The following PAPPA variants were observed in gnomAD, a reference collection of about 807,000 sequenced individuals.
PAPPA encodes the protein pappalysin 1.
A neutral mutation model predicts 164.0 loss-of-function variants in PAPPA; 60 were observed. That is an observed-to-expected ratio of 0.37 (90% confidence interval 0.30 to 0.45). The LOEUF is 0.45. Ranked by LOEUF, PAPPA falls within the 20% of genes least tolerant of loss-of-function variation. The probability of loss-of-function intolerance (pLI) is 1.00; values close to 1 mark genes in which losing one functional copy is unlikely to be tolerated. For synonymous variants in PAPPA, 875 were observed against 814.1 expected, an observed-to-expected ratio of 1.07 and a Z score of -1.27; for missense variants, 1,782 against 2,087.3, an observed-to-expected ratio of 0.85 and a Z score of 2.85.
At chr9:116,285,504 G>A (rs754737094) in intron 9 of PAPPA, among the ~76,000 whole-genome samples, 16 of 152,072 alleles carry the variant, frequency 1.1e-4, no homozygotes, top group Non-Finnish European at 2.2e-4. Flanking sequence ...TTTGCTCACA[G>A]TGTCCCCCTG....
At chr9:116,281,327 A>G (rs1845264178) in intron 9 of PAPPA, among the ~76,000 whole-genome samples, 1 of 152,098 alleles carries the variant, frequency 6.6e-6, no homozygotes, top group Non-Finnish European at 1.5e-5. Context: ...GAGTTAGACA[A>G]TCATTTCATC....
intron 19 of PAPPA, among the ~76,000 whole-genome samples, chr9:116,372,506 T>C (rs1846588525): frequency 6.6e-6 from 1 of 152,224 alleles, no homozygotes; most frequent in South Asian, 2.1e-4. Context: ...TTGGATGAGA[T>C]AGACTATTCC....
At chr9:116,170,481 A>G (rs962896875) in intron 1 of PAPPA, among the ~76,000 whole-genome samples, 8 of 152,162 alleles carry the variant, frequency 5.3e-5, no homozygotes, top group Admixed American at 1.3e-4. Flanking sequence ...GGTCCTGCCC[A>G]TAAGTATTCA....
intron 3 of PAPPA, among the ~76,000 whole-genome samples, 185 bp from the exon 4 acceptor site, chr9:116,211,454 T>C (rs1054734928): frequency 2.6e-5 from 4 of 152,206 alleles, no homozygotes; most frequent in African/African-American, 9.6e-5. Context: ...TTGAGATTCC[T>C]TCCTGCTCTG....
At chr9:116,327,905 C>A (rs1460684716) in intron 10 of PAPPA, among the ~76,000 whole-genome samples, 4 of 152,186 alleles carry the variant, frequency 2.6e-5, no homozygotes, top group Non-Finnish European at 5.9e-5. Flanking sequence ...TGGATTTGTT[C>A]ATTCTTCTCT....
chr9:116,258,443 G>A (rs1477360573), intron 7 of PAPPA, among the ~76,000 whole-genome samples: 1 of 151,958 alleles, frequency 6.6e-6, no homozygotes, highest in Non-Finnish European at 1.5e-5. Context: ...GATCGCCTGA[G>A]GTTGGGAGTT....
At chr9:116,302,484 T>A (rs1363667327) in intron 9 of PAPPA, among the ~76,000 whole-genome samples, 4 of 152,154 alleles carry the variant, frequency 2.6e-5, no homozygotes, top group African/African-American at 9.7e-5. Flanking sequence ...GCAGTATTTG[T>A]CTTTCTGTGA....
intron 2 of PAPPA, 146 bp from the exon 3 acceptor site, chr9:116,207,310 T>C: frequency 3.4e-6 from 2 of 591,706 alleles, no homozygotes. Flanking sequence ...ATCTTACTTA[T>C]AATATTATTG....
At chr9:116,207,396 G>A in intron 2 of PAPPA, 60 bp from the exon 3 acceptor site, 2 of 775,016 alleles carry the variant, frequency 2.6e-6, no homozygotes, top group Non-Finnish European at 3.5e-6. Flanking sequence ...AAATTATTTG[G>A]AGAGGGCCTG....
At chr9:116,166,816 C>T (rs1251594092) in intron 1 of PAPPA, among the ~76,000 whole-genome samples, 1 of 152,108 alleles carries the variant, frequency 6.6e-6, no homozygotes, top group African/African-American at 2.4e-5. Flanking sequence ...ATCCTCAAGG[C>T]CTGACACATT....
At chr9:116,370,485 G>A (rs1846558667) in intron 19 of PAPPA, among the ~76,000 whole-genome samples, 1 of 152,002 alleles carries the variant, frequency 6.6e-6, no homozygotes, top group East Asian at 1.9e-4. Context: ...GCTTACCAGG[G>A]ATGTGCTGGC....
chr9:116,186,458 G>A lies in PAPPA; in HGVS notation c.416-696G>A, dbSNP rs545702543. Among the ~76,000 whole-genome samples the A allele has an allele frequency of 6.6e-5, 10 of 152,208 alleles. No individual in the cohort carries two copies. In the South Asian group the frequency reaches 1.9e-3, roughly 28 times the overall value. ...GTGATGATCTTTGAAAACCTGTCTA[G>A]TTTAGCTCTGAAGTGTGTTTTCTTT... On this transcript the variant is annotated intron_variant, in intron 1 of 21. Coordinates refer to ENST00000328252, the MANE Select transcript of PAPPA (RefSeq NM_002581.5).
chr9:116,195,942 T>C (rs1359027648), intron 2 of PAPPA, among the ~76,000 whole-genome samples: 2 of 152,182 alleles, frequency 1.3e-5, no homozygotes, highest in Admixed American at 1.3e-4. Flanking sequence ...ATATATTGAT[T>C]ATCCCAAGAG....
intron 10 of PAPPA, among the ~76,000 whole-genome samples, chr9:116,327,556 T>C (rs956395675): frequency 6.9e-6 from 1 of 144,600 alleles, no homozygotes; most frequent in South Asian, 2.4e-4. Context: ...TCAGCAATGC[T>C]TTATGGAGTT....
chr9:116,350,973 T>C (rs1846274334), intron 15 of PAPPA, among the ~76,000 whole-genome samples: 1 of 152,206 alleles, frequency 6.6e-6, no homozygotes, highest in Admixed American at 6.5e-5. Flanking sequence ...AGATGAATCA[T>C]ACTGACAAAG....
intron 2 of PAPPA, 138 bp from the exon 3 acceptor site, chr9:116,207,318 T>A: frequency 3.3e-6 from 2 of 605,634 alleles, no homozygotes; most frequent in South Asian, 5.1e-5. Flanking sequence ...TATAATATTA[T>A]TGGGGGAATT....
intron 10 of PAPPA, among the ~76,000 whole-genome samples, chr9:116,324,717 G>A (rs575204937): frequency 1.3e-5 from 2 of 152,326 alleles, no homozygotes; most frequent in South Asian, 4.1e-4. Context: ...AATGCGTGTA[G>A]TATTTCACAA....
intron 17 of PAPPA, among the ~76,000 whole-genome samples, chr9:116,362,249 C>T (rs1348856708): frequency 6.7e-6 from 1 of 148,780 alleles, no homozygotes; most frequent in Non-Finnish European, 1.5e-5. Flanking sequence ...CTCCTACCCT[C>T]TCAATTTAAA....
At chr9:116,360,989 G>T (rs1846419324) in intron 17 of PAPPA, among the ~76,000 whole-genome samples, 1 of 152,216 alleles carries the variant, frequency 6.6e-6, no homozygotes. Context: ...GGTAGACAAG[G>T]GTGGGTAGGA....
Sources: allele counts gnomAD v4.1 joint callset (sites outside exome capture counted in the v4.1 genomes callset), GRCh38; gene constraint gnomAD v4.1.1; transcripts MANE v1.5; gene names NCBI Gene and HGNC (gene_info 2026-07-23, HGNC 2026-07-21).